The following KIF1B variants were observed in gnomAD, a reference collection of about 807,000 sequenced individuals.
The protein encoded by KIF1B is kinesin family member 1B.
A neutral mutation model predicts 241.9 loss-of-function variants in KIF1B; 76 were observed. That is an observed-to-expected ratio of 0.31 (90% CI 0.26 to 0.38). KIF1B has a LOEUF of 0.38. KIF1B is among the 10% of genes least tolerant of loss of function. KIF1B has a pLI of 1.00. For synonymous variants in KIF1B, 750 were observed against 796.7 expected, an observed-to-expected ratio of 0.94 and a Z score of 0.99; for missense variants, 1,622 against 2,271.4, an observed-to-expected ratio of 0.71 and a Z score of 5.81.
chr1:10,225,833 G>A (rs1646902195), intron 1 of KIF1B, among the ~76,000 whole-genome samples: 1 of 152,132 alleles, frequency 6.6e-6, no homozygotes. Context: ...ATTGTGGGGA[G>A]TTCAGTCATT....
intron 1 of KIF1B, among the ~76,000 whole-genome samples, chr1:10,215,138 TTATATATATATATA>T (rs1162229178): frequency 0.012 from 692 of 59,556 alleles, 6 homozygotes; most frequent in Middle Eastern, 0.022. Flanking sequence ...TTTATATATT[TTATATATATATATA>T]TATATATATA....
chr1:10,224,301 A>G (rs933180143), intron 1 of KIF1B, among the ~76,000 whole-genome samples: 12 of 152,046 alleles, frequency 7.9e-5, no homozygotes, highest in African/African-American at 2.4e-4. Context: ...TATTTTTAGT[A>G]GAGATGGGGT....
In KIF1B at chr1:10,273,140, T is replaced by G. The variant is rs1648893157; in HGVS notation, c.882+109T>G. 7 of 772,068 alleles carry G rather than the reference T, an allele frequency of 9.1e-6. No individual in the cohort carries two copies. The East Asian group carries it at 2.0e-4, about 22-fold the overall frequency. 47.8% of individuals were successfully genotyped at this position (772,068 alleles called of 1,614,324 possible). The stretch of plus-strand genomic sequence containing the variant: ...AATGGAACCTTCAAAAATCTTTTCA[T>G]CATTTGTTCTCTGGCTCTGGAATTT... On this transcript the variant is annotated intron_variant, in intron 10 of 48. Transcript: ENST00000676179.
intron 1 of KIF1B, among the ~76,000 whole-genome samples, chr1:10,222,934 A>T (rs1472097098): frequency 6.6e-6 from 1 of 152,210 alleles, no homozygotes; most frequent in Non-Finnish European, 1.5e-5. Context: ...TTATTAAGAA[A>T]TGTTGTTTTC....
In KIF1B at chr1:10,237,452, GT is replaced by G. The variant is rs1647071242; in HGVS notation, c.106+5019del. ...GTACACTCCATCAAGTGACTGAACT[GT>G]GATATTTTACTTTATTTTTACCCAC... On this transcript the variant is annotated intron_variant, in intron 2 of 48. Transcript: ENST00000676179. Among the ~76,000 whole-genome samples the G allele has an allele frequency of 2.6e-5, 4 of 152,144 alleles. No homozygotes were observed. The South Asian group carries it at 8.3e-4, about 32-fold the overall frequency.
chr1:10,358,102 C>CAAAAA (rs541043240), intron 38 of KIF1B, among the ~76,000 whole-genome samples: 8 of 85,000 alleles, frequency 9.4e-5, no homozygotes, highest in Admixed American at 1.4e-4. Context: ...AAGTCCAAAG[C>CAAAAA]AAAAAAAAAA....
chr1:10,268,049 A>G, intron 6 of KIF1B, 103 bp from the exon 7 acceptor site: 1 of 781,112 alleles, frequency 1.3e-6, no homozygotes, highest in Admixed American at 2.0e-5. Flanking sequence ...TAAGTTTAAG[A>G]CTATTGCTTG....
chr1:10,248,456 C>T (rs1409276370), intron 2 of KIF1B, among the ~76,000 whole-genome samples: 3 of 152,158 alleles, frequency 2.0e-5, no homozygotes, highest in African/African-American at 7.2e-5. Flanking sequence ...CTACCTCAGC[C>T]TCCCAAAGTG....
intron 27 of KIF1B, among the ~76,000 whole-genome samples, chr1:10,329,047 T>G (rs1651824745): frequency 6.6e-6 from 1 of 152,238 alleles, no homozygotes; most frequent in Admixed American, 6.5e-5. Flanking sequence ...TTCTCTCTAG[T>G]TTTATAGTTT....
chr1:10,363,708 A>G (rs1638488524), intron 41 of KIF1B, among the ~76,000 whole-genome samples: 1 of 152,218 alleles, frequency 6.6e-6, no homozygotes, highest in African/African-American at 2.4e-5. Context: ...AGAAAAAGAA[A>G]AAAAAATCAA....
chr1:10,220,397 TGATA>T (rs5772398), intron 1 of KIF1B, among the ~76,000 whole-genome samples: 39,919 of 143,702 alleles, frequency 0.28, 5,978 homozygotes, highest in South Asian at 0.41. Context: ...GATAGATAGA[TGATA>T]GATAGATAGA....
At chr1:10,295,635 G>A in intron 18 of KIF1B, 25 bp from the exon 19 acceptor site, 1 of 1,602,478 alleles carries the variant, frequency 6.2e-7, no homozygotes. Context: ...GAATTTCCCT[G>A]GGAAACACTT....
intron 5 of KIF1B, among the ~76,000 whole-genome samples, chr1:10,263,374 G>T (rs1648264778): frequency 6.7e-6 from 1 of 149,862 alleles, no homozygotes; most frequent in African/African-American, 2.5e-5. Context: ...ACCCTTTTTT[G>T]GTATTCACTT....
At position 10,277,973 on chromosome 1, in the gene KIF1B, T is replaced by A; in HGVS notation, c.1038-13T>A. On this transcript the variant is annotated splice_polypyrimidine_tract_variant and intron_variant, in intron 12 of 48. Transcript: ENST00000676179. ...TGAGAAATGACAAGAACAAATTTTC[T>A]TTTTGGATCTAGATATGCAGATCGT... 1.2e-6 allele frequency: 2 copies of A among 1,612,514 alleles called. No homozygotes were observed. Among genetic ancestry groups the A allele is most frequent in the Non-Finnish European group, 1.7e-6 (2 of 1,178,868 alleles).
chr1:10,303,759 G>T lies in KIF1B; in HGVS notation c.2115+6513G>T. The stretch of plus-strand genomic sequence containing the variant: ...AAATGCTCAAAATGGAAAAAGTCTT[G>T]CCACTGATCGGATCTCAGGAACAGA... On this transcript the variant is annotated intron_variant, in intron 22 of 48. Transcript: ENST00000676179. The surrounding 1 kb of genome is among the most constrained non-coding windows in gnomAD (Gnocchi z 5.2). The T allele has an allele frequency of 2.5e-6, 4 of 1,614,212 alleles. No individual in the cohort carries two copies. Among genetic ancestry groups the T allele is most frequent in the Non-Finnish European group, 3.4e-6 (4 of 1,180,036 alleles).
intron 38 of KIF1B, among the ~76,000 whole-genome samples, chr1:10,358,683 CAAA>C (rs767246662): frequency 2.5e-5 from 2 of 79,300 alleles, no homozygotes; most frequent in African/African-American, 3.9e-5. Context: ...GACTCTGTCT[CAAA>C]AAAAAAAAAA....
chr1:10,238,253 C>T (rs1452337304), intron 2 of KIF1B, among the ~76,000 whole-genome samples: 1 of 150,256 alleles, frequency 6.7e-6, no homozygotes, highest in Non-Finnish European at 1.5e-5. Context: ...TGGTGGTGGG[C>T]ACCTGTAATC....
In KIF1B at chr1:10,210,906, G is replaced by A. The variant is rs1291916459; in HGVS notation, c.-80+28G>A. On this transcript the variant is annotated intron_variant, in intron 1 of 48. Coordinates refer to ENST00000676179, the MANE Select transcript of KIF1B (RefSeq NM_001365951.3). The surrounding 1 kb of genome is among the most constrained non-coding windows in gnomAD (Gnocchi z 4.1). ...AAGGCGGCGGGGCTGGCCGCGGTTG[G>A]CGCCGCGGTCGCGGGGTTGGGGAGG... 4 of 151,292 alleles carry A rather than the reference G, an allele frequency of 2.6e-5. No individual in the cohort carries two copies. Among genetic ancestry groups the A allele is most frequent in the African/African-American group, 4.8e-5 (2 of 41,354 alleles). The allele number at this position is 151,292 out of a possible 1,614,324, so 9.4% of individuals were successfully genotyped here. A position where few individuals can be genotyped will look rare whatever the true frequency, so the allele number is the denominator to read the frequency against.
intron 5 of KIF1B, among the ~76,000 whole-genome samples, chr1:10,264,127 C>T (rs1333464009): frequency 6.6e-6 from 1 of 152,192 alleles, no homozygotes; most frequent in Non-Finnish European, 1.5e-5. Context: ...GAGCTCTCTT[C>T]CCCATTCTAT....
Sources: gnomAD v4.1 joint callset for allele counts (sites outside exome capture counted in the v4.1 genomes callset) on GRCh38, gnomAD v4.1.1 for gene constraint, Gnocchi (gnomAD v3.1) non-coding constraint, MANE v1.5 for transcripts, NCBI Gene and HGNC (gene_info 2026-07-23, HGNC 2026-07-21) for gene names.